Variants in LRRC49 observed in about 807,000 individuals in gnomAD.
LRRC49 encodes the protein leucine rich repeat containing 49, also known as leucine-rich repeat-containing protein 49.
A neutral mutation model predicts 83.3 loss-of-function variants in LRRC49; 50 were observed. The ratio of observed to expected loss-of-function variants is 0.60; its 90% CI spans 0.48 to 0.76. The LOEUF (loss-of-function observed/expected upper bound fraction) is 0.76, where lower values mean the gene tolerates loss of function less well. Ranked by LOEUF, LRRC49 falls within the 30% of genes least tolerant of loss-of-function variation. LRRC49 has a pLI of 0.00. For synonymous variants in LRRC49, 286 were observed against 283.3 expected (o/e 1.01, Z -0.10); for missense variants, 704 against 809.1 (o/e 0.87, Z 1.58).
intron 11 of LRRC49, among the ~76,000 whole-genome samples, chr15:70,999,258 G>A (rs1387848910): frequency 1.3e-5 from 2 of 152,038 alleles, no homozygotes; most frequent in Admixed American, 6.6e-5. Context: ...TGTTGAAACT[G>A]GACATTTATG....
intron 8 of LRRC49, among the ~76,000 whole-genome samples, chr15:70,952,360 G>A (rs182857859): frequency 2.5e-4 from 38 of 151,950 alleles, no homozygotes; most frequent in Non-Finnish European, 4.0e-4. Context: ...TTGTATATCT[G>A]GTAGAATTCA....
chr15:70,961,244 T>A (rs1596070795), intron 8 of LRRC49, among the ~76,000 whole-genome samples: 1 of 152,102 alleles, frequency 6.6e-6, no homozygotes, highest in Non-Finnish European at 1.5e-5. Context: ...TTGGAGTCAC[T>A]GAAATTCCAG....
intron 11 of LRRC49, among the ~76,000 whole-genome samples, chr15:70,996,300 T>C (rs1433984415): frequency 6.6e-6 from 1 of 152,162 alleles, no homozygotes; most frequent in Non-Finnish European, 1.5e-5. Context: ...CTTTAAAATC[T>C]CCTAGAACTG....
At chr15:70,996,489 T>G (rs1162561666) in intron 11 of LRRC49, among the ~76,000 whole-genome samples, 1 of 152,166 alleles carries the variant, frequency 6.6e-6, no homozygotes, top group Non-Finnish European at 1.5e-5. Context: ...TTTATGTATG[T>G]GGCTACTCTC....
At chr15:70,930,864 T>C (rs2035380420) in intron 7 of LRRC49, among the ~76,000 whole-genome samples, 1 of 152,216 alleles carries the variant, frequency 6.6e-6, no homozygotes, top group Non-Finnish European at 1.5e-5. Context: ...CTCTCAGCCT[T>C]CATAGAATTG....
chr15:70,951,312 T>C (rs915673442), intron 8 of LRRC49, among the ~76,000 whole-genome samples: 2 of 152,144 alleles, frequency 1.3e-5, no homozygotes, highest in African/African-American at 2.4e-5. Context: ...ACATTGGTAG[T>C]ATGATAGGAA....
chr15:70,864,430 G>T (rs1304058586), intron 1 of LRRC49, among the ~76,000 whole-genome samples: 2 of 152,006 alleles, frequency 1.3e-5, no homozygotes, highest in Non-Finnish European at 1.5e-5. Flanking sequence ...TTCCCAAGGG[G>T]AGAGGTGTGG....
chr15:71,002,082 A>G (rs1276381631), intron 11 of LRRC49, among the ~76,000 whole-genome samples: 1 of 152,256 alleles, frequency 6.6e-6, no homozygotes, highest in African/African-American at 2.4e-5. Flanking sequence ...CTTCAAAAAG[A>G]TAATTAAATT....
At chr15:70,945,040 T>C (rs2035960648) in intron 8 of LRRC49, among the ~76,000 whole-genome samples, 1 of 152,198 alleles carries the variant, frequency 6.6e-6, no homozygotes, top group Non-Finnish European at 1.5e-5. Flanking sequence ...CATCCTAATA[T>C]TTAGCCAAAT....
chr15:70,909,689 A>C (rs2034465968), intron 5 of LRRC49, among the ~76,000 whole-genome samples: 1 of 152,110 alleles, frequency 6.6e-6, no homozygotes, highest in Non-Finnish European at 1.5e-5. Flanking sequence ...AACTACAACA[A>C]TTAGCAGGGT....
intron 14 of LRRC49, among the ~76,000 whole-genome samples, chr15:71,016,406 T>C (rs555169471): frequency 3.3e-5 from 5 of 152,000 alleles, no homozygotes; most frequent in Non-Finnish European, 7.4e-5. Flanking sequence ...AATGTACTTA[T>C]TAGAAAACAA....
chr15:71,015,476 C>T (rs1199853437), intron 14 of LRRC49, among the ~76,000 whole-genome samples: 1 of 152,146 alleles, frequency 6.6e-6, no homozygotes, highest in Non-Finnish European at 1.5e-5. Context: ...AATCTAACGC[C>T]ACTGCTGATC....
intron 11 of LRRC49, among the ~76,000 whole-genome samples, chr15:70,989,813 T>G (rs889536074): frequency 6.6e-6 from 1 of 152,184 alleles, no homozygotes; most frequent in Admixed American, 6.5e-5. Context: ...GTTTTTGGTG[T>G]GGATGTCCTT....
At chr15:70,990,715 C>T (rs1018204213) in intron 11 of LRRC49, among the ~76,000 whole-genome samples, 4 of 152,224 alleles carry the variant, frequency 2.6e-5, no homozygotes, top group East Asian at 1.9e-4. Flanking sequence ...AGAAATCACC[C>T]GTCTTCTGCG....
At chr15:70,964,008 C>T (rs2036704876) in intron 9 of LRRC49, 76 bp downstream of exon 9, 2 of 1,374,396 alleles carry the variant, frequency 1.5e-6, no homozygotes, top group Non-Finnish European at 2.0e-6. Context: ...ATATTCTTTG[C>T]TTGAAATGCT....
intron 9 of LRRC49, among the ~76,000 whole-genome samples, chr15:70,975,860 A>G (rs1438703591): frequency 1.3e-5 from 2 of 152,082 alleles, no homozygotes; most frequent in Non-Finnish European, 2.9e-5. Context: ...ACTAATGTTC[A>G]CCAATATGCT....
chr15:70,891,618 T>TGTGTGTGA (rs930540936), upstream of LRRC49, among the ~76,000 whole-genome samples: 3 of 127,564 alleles, frequency 2.4e-5, no homozygotes, highest in South Asian at 2.5e-4. Flanking sequence ...TGTGTGTGTG[T>TGTGTGTGA]GAGTTTTGGG....
intron 5 of LRRC49, among the ~76,000 whole-genome samples, chr15:70,911,211 C>T (rs1411289256): frequency 6.6e-6 from 1 of 152,120 alleles, no homozygotes; most frequent in Non-Finnish European, 1.5e-5. Flanking sequence ...AGGTTAGTGC[C>T]TTGTAGGCAG....
Position 70,995,721 on chromosome 15 carries a change from T to C in LRRC49, c.1169+11464T>C, listed in dbSNP as rs1049521416. Among the ~76,000 whole-genome samples the C allele has an allele frequency of 4.6e-5, 7 of 152,204 alleles. No individual in the cohort carries two copies. The East Asian group carries it at 1.3e-3, about 29-fold the overall frequency. The stretch of plus-strand genomic sequence containing the variant: ...TGACTTTCATGACATTTTGAACTTT[T>C]AAAGTGGCATATGGCCAAACATTTT... On this transcript the variant is annotated intron_variant, in intron 11 of 15. Transcript: ENST00000260382.
Sources: allele counts gnomAD v4.1 joint callset (sites outside exome capture counted in the v4.1 genomes callset), GRCh38; gene constraint gnomAD v4.1.1; transcripts MANE v1.5; gene names NCBI Gene and HGNC (gene_info 2026-07-23, HGNC 2026-07-21).